FGD4: variants seen among roughly 807,000 people sequenced by gnomAD.
The protein encoded by FGD4 is FYVE, RhoGEF and PH domain containing 4.
Under a neutral mutation model 102.0 loss-of-function variants are expected in FGD4, and 42 were observed. That is an observed-to-expected ratio of 0.41 (90% CI 0.32 to 0.53). The LOEUF is 0.53. FGD4 is among the 20% of genes least tolerant of loss of function. The pLI, the probability that FGD4 is intolerant of heterozygous loss-of-function variation, is 0.21. For missense variants in FGD4, 902 were observed against 1,078.2 expected (o/e 0.84, Z 2.29); for synonymous variants, 380 against 375.7 (o/e 1.01, Z -0.13).
chr12:32,410,057 G>T (rs571318681), intron 1 of FGD4, among the ~76,000 whole-genome samples: 2 of 151,610 alleles, frequency 1.3e-5, no homozygotes, highest in East Asian at 1.9e-4. Context: ...GACCTGGTGC[G>T]GTGGCTCACG....
intron 3 of FGD4, among the ~76,000 whole-genome samples, chr12:32,577,075 G>A (rs983282235): frequency 2.0e-5 from 3 of 151,944 alleles, no homozygotes; most frequent in Non-Finnish European, 2.9e-5. Flanking sequence ...TAGTCCCAAT[G>A]TTTGGAAAAA....
chr12:32,607,944 T>C lies in FGD4; in HGVS notation c.1405-13T>C, dbSNP rs768223006. On this transcript the variant is annotated splice_polypyrimidine_tract_variant and intron_variant, in intron 7 of 16. Coordinates refer to ENST00000534526, the MANE Select transcript of FGD4 (RefSeq NM_001370298.3). ...ATTTTTAAATGTTTCTTAGAAAACC[T>C]TTCTCATTACAGAAACAGAAAATCT... The C allele has an allele frequency of 1.9e-6, 3 of 1,614,096 alleles. No homozygotes were observed. In the Admixed American group the frequency reaches 5.0e-5, roughly 27 times the overall value.
chr12:32,465,754 A>G (rs1216728870), intron 1 of FGD4, among the ~76,000 whole-genome samples: 1 of 151,594 alleles, frequency 6.6e-6, no homozygotes, highest in Non-Finnish European at 1.5e-5. Flanking sequence ...ATTTTTTAGC[A>G]ACAAAGTGTG....
chr12:32,632,867 C>G (rs1370490223), intron 14 of FGD4, among the ~76,000 whole-genome samples: 1 of 151,646 alleles, frequency 6.6e-6, no homozygotes, highest in African/African-American at 2.4e-5. Flanking sequence ...CACACCCAGT[C>G]AGATTAGCAT....
intron 14 of FGD4, among the ~76,000 whole-genome samples, chr12:32,632,482 A>AAGGAGAG (rs564877442): frequency 1.2e-3 from 189 of 152,240 alleles, no homozygotes; most frequent in Non-Finnish European, 2.4e-3. Flanking sequence ...TAACTCAGTG[A>AAGGAGAG]AGGAGAGAGG....
intron 1 of FGD4, among the ~76,000 whole-genome samples, chr12:32,462,525 ATG>A (rs1943134947): frequency 6.6e-6 from 1 of 151,620 alleles, no homozygotes; most frequent in African/African-American, 2.4e-5. Flanking sequence ...GTGTGCTTGT[ATG>A]TGTGTTTGAA....
intron 1 of FGD4, among the ~76,000 whole-genome samples, chr12:32,427,684 T>C (rs1252884244): frequency 6.6e-6 from 1 of 152,202 alleles, no homozygotes; most frequent in African/African-American, 2.4e-5. Context: ...CCACTATTAT[T>C]GTGTAGGAGT....
intron 1 of FGD4, among the ~76,000 whole-genome samples, chr12:32,434,847 G>A (rs530662926): frequency 2.0e-5 from 3 of 152,348 alleles, no homozygotes; most frequent in Non-Finnish European, 2.9e-5. Flanking sequence ...ATATGAGTCA[G>A]AGGATTGAAT....
intron 2 of FGD4, among the ~76,000 whole-genome samples, chr12:32,565,125 C>G (rs1205192927): frequency 6.6e-6 from 1 of 152,162 alleles, no homozygotes; most frequent in Non-Finnish European, 1.5e-5. Flanking sequence ...ACTTAGTTCT[C>G]TTTCCTGTTC....
At chr12:32,494,775 C>T (rs1937685903) in intron 1 of FGD4, among the ~76,000 whole-genome samples, 3 of 152,190 alleles carry the variant, frequency 2.0e-5, no homozygotes, top group African/African-American at 7.2e-5. Flanking sequence ...CTGAACCCAA[C>T]CTGTGGGTTT....
At chr12:32,573,403 G>A (rs556045162) in intron 2 of FGD4, among the ~76,000 whole-genome samples, 2 of 152,172 alleles carry the variant, frequency 1.3e-5, no homozygotes, top group African/African-American at 4.8e-5. Context: ...CCTGGTATTG[G>A]ATTTTTTTTG....
chr12:32,410,545 G>T (rs10844198), intron 1 of FGD4, among the ~76,000 whole-genome samples: 82,597 of 151,958 alleles, frequency 0.54, 23,433 homozygotes, highest in African/African-American at 0.71. Context: ...ATTTGTCATC[G>T]GTTCTTGAAT....
At chr12:32,532,031 T>A (rs986707485) in intron 1 of FGD4, among the ~76,000 whole-genome samples, 1 of 152,220 alleles carries the variant, frequency 6.6e-6, no homozygotes, top group Non-Finnish European at 1.5e-5. Flanking sequence ...TACAGTAGTG[T>A]CCCTTTATCC....
At chr12:32,418,750 G>T (rs997932657) in intron 1 of FGD4, among the ~76,000 whole-genome samples, 2 of 152,202 alleles carry the variant, frequency 1.3e-5, no homozygotes, top group African/African-American at 4.8e-5. Context: ...CTAGGACTCT[G>T]CAGTCAGCAG....
At chr12:32,614,472 C>T (rs1018841025) in intron 10 of FGD4, among the ~76,000 whole-genome samples, 3 of 152,042 alleles carry the variant, frequency 2.0e-5, no homozygotes, top group Non-Finnish European at 2.9e-5. Context: ...CTGACTTTCT[C>T]GAGGGCCAAA....
At chr12:32,501,956 G>C (rs1296673452) in intron 1 of FGD4, 3 of 864,318 alleles carry the variant, frequency 3.5e-6, no homozygotes, top group Middle Eastern at 5.8e-4. Context: ...GGCTGCACTG[G>C]CTTGTTTAAA....
intron 1 of FGD4, among the ~76,000 whole-genome samples, chr12:32,531,491 C>T (rs763402860): frequency 8.5e-5 from 13 of 152,168 alleles, no homozygotes; most frequent in Admixed American, 3.3e-4. Context: ...CCCTGGCAAC[C>T]TTGGATCTGT....
intron 1 of FGD4, among the ~76,000 whole-genome samples, chr12:32,526,735 A>G (rs980818032): frequency 7.2e-5 from 11 of 151,952 alleles, no homozygotes; most frequent in African/African-American, 9.7e-5. Context: ...GAGCTGTAAC[A>G]CTCACCGCGA....
intron 10 of FGD4, among the ~76,000 whole-genome samples, chr12:32,616,094 A>G (rs1044920720): frequency 1.6e-4 from 24 of 152,192 alleles, no homozygotes; most frequent in Admixed American, 1.6e-3. Flanking sequence ...CCAGGAGCCA[A>G]TGTCTTTCCT....
Sources: allele counts gnomAD v4.1 joint callset (sites outside exome capture counted in the v4.1 genomes callset), GRCh38; gene constraint gnomAD v4.1.1; transcripts MANE v1.5; gene names NCBI Gene and HGNC (gene_info 2026-07-23, HGNC 2026-07-21).